Variants in SVEP1 observed in about 807,000 individuals in gnomAD.
The protein encoded by SVEP1 is sushi, von Willebrand factor type A, EGF and pentraxin domain-containing protein 1.
In SVEP1, 164 loss-of-function variants were observed where a neutral mutation model predicts 367.3. That is an observed-to-expected ratio of 0.45 (90% confidence interval 0.39 to 0.51). The LOEUF (loss-of-function observed/expected upper bound fraction) is 0.51. Ranked by LOEUF, SVEP1 falls within the 20% of genes least tolerant of loss-of-function variation. The pLI is 0.00. For synonymous variants in SVEP1, 1,666 were observed against 1,611.6 expected, an observed-to-expected ratio of 1.03 and a Z score of -0.81; for missense variants, 4,117 against 4,425.3, an observed-to-expected ratio of 0.93 and a Z score of 1.98.
chr9:110,498,645 T>C (rs1250363527), intron 7 of SVEP1, among the ~76,000 whole-genome samples: 1 of 152,226 alleles, frequency 6.6e-6, no homozygotes, highest in Non-Finnish European at 1.5e-5. Flanking sequence ...GGTCTGCTCT[T>C]GTTGCAGAGA....
chr9:110,500,380 A>T (rs1389408524), intron 6 of SVEP1, among the ~76,000 whole-genome samples: 1 of 152,120 alleles, frequency 6.6e-6, no homozygotes, highest in Non-Finnish European at 1.5e-5. Flanking sequence ...TTGGCTGTCA[A>T]AGTTGTTGAA....
At chr9:110,430,121 T>TTTTTC in intron 33 of SVEP1, 117 bp from the exon 34 acceptor site, 9 of 1,159,692 alleles carry the variant, frequency 7.8e-6, no homozygotes, top group Non-Finnish European at 1.1e-5. Context: ...TTTTTTTTTT[T>TTTTTC]TGGTGTGTGT....
chr9:110,481,832 C>T (rs536427402), intron 11 of SVEP1, among the ~76,000 whole-genome samples: 1 of 152,044 alleles, frequency 6.6e-6, no homozygotes, highest in Non-Finnish European at 1.5e-5. Context: ...TGTGCCTTGA[C>T]CTCCTGAGTA....
chr9:110,481,641 C>T (rs528638079), intron 11 of SVEP1, among the ~76,000 whole-genome samples: 4 of 152,180 alleles, frequency 2.6e-5, no homozygotes, highest in East Asian at 1.9e-4. Context: ...GCTGTACCTA[C>T]GTGTAATTAG....
At chr9:110,396,504 A>G (rs1827762212) in intron 40 of SVEP1, among the ~76,000 whole-genome samples, 1 of 152,172 alleles carries the variant, frequency 6.6e-6, no homozygotes, top group South Asian at 2.1e-4. Context: ...AGATCAGAGC[A>G]GAACTGAAGG....
intron 4 of SVEP1, 111 bp from the exon 5 acceptor site, chr9:110,513,216 C>T (rs1028065762): frequency 4.0e-6 from 4 of 1,001,982 alleles, no homozygotes; most frequent in Non-Finnish European, 5.7e-6. Flanking sequence ...CAATTGCCTA[C>T]AGCATTTCCA....
At chr9:110,537,328 T>TAATTAAC (rs1830091468) in intron 3 of SVEP1, among the ~76,000 whole-genome samples, 1 of 152,054 alleles carries the variant, frequency 6.6e-6, no homozygotes, top group African/African-American at 2.4e-5. Flanking sequence ...ATACATGAAC[T>TAATTAAC]AATTAACAAT....
chr9:110,374,832 T>C (rs1284976867), intron 46 of SVEP1, among the ~76,000 whole-genome samples: 3 of 152,194 alleles, frequency 2.0e-5, no homozygotes, highest in Admixed American at 6.5e-5. Flanking sequence ...ACTGGGTATA[T>C]ACCCAAGATA....
intron 27 of SVEP1, 33 bp downstream of exon 27, chr9:110,443,512 C>G (rs1479235633): frequency 6.5e-7 from 1 of 1,527,206 alleles, no homozygotes; most frequent in Non-Finnish European, 8.8e-7. Flanking sequence ...CTCTAGAGTC[C>G]AACAGAATTA....
At chr9:110,414,196 T>C (rs1390371576) in intron 36 of SVEP1, among the ~76,000 whole-genome samples, 1 of 152,088 alleles carries the variant, frequency 6.6e-6, no homozygotes, top group Non-Finnish European at 1.5e-5. Flanking sequence ...ATTCATTAGT[T>C]ATCAAATATT....
rs1829745339 is a variant in SVEP1, at chr9:110,512,975, G to A, written c.1254C>T (p.Ile418=). Residue 418 remains isoleucine (I), a synonymous_variant, in exon 5 of 48, where the codon ATC becomes ATT. Coordinates refer to ENST00000374469, the MANE Select transcript of SVEP1 (RefSeq NM_153366.4). The part of the protein sequence containing the change: ...PGFDLVGSSI[I]LCLPNGLWSG... Reference sequence around the variant, plus strand: ...ACCACAAACCATTGGGTAGACATAAGATGATGCTGCTTCCCACAAGATCAA... The same window carrying A: ...ACCACAAACCATTGGGTAGACATAAAATGATGCTGCTTCCCACAAGATCAA... 1 of 1,614,010 alleles carries A rather than the reference G, an allele frequency of 6.2e-7. No individual in the cohort carries two copies. Among genetic ancestry groups the A allele is most frequent in the South Asian group, 1.1e-5 (1 of 91,084 alleles).
In SVEP1 at chr9:110,387,362, C is replaced by T. The variant is rs1827541370; in HGVS notation, c.9983G>A (p.Gly3328Asp). 6.2e-7 allele frequency: 1 copy of T among 1,613,612 alleles called. No individual in the cohort carries two copies. Among genetic ancestry groups the T allele is most frequent in the Admixed American group, 1.7e-5 (1 of 59,880 alleles). Residue 3328 changes from glycine to aspartate, a missense_variant, in exon 42 of 48, where the codon GGC becomes GAC. Physicochemically the swap from Gly to Asp is moderately conservative, Grantham distance 94 (BLOSUM62 -1). Around this residue, in one of 4 missense-constraint regions of SVEP1, gnomAD observed 1,765 missense variants for 1,781.1 expected, o/e 0.99. Coordinates refer to ENST00000374469, the MANE Select transcript of SVEP1 (RefSeq NM_153366.4). ...GPNVVYSCNR[G>D]YSLEGPSEAH... ...CTCAGATGGCCCTTCAAGACTGTAG[C>T]CTCTGTTGCAGGAATATACCACGTT...
chr9:110,489,840 A>C lies in SVEP1; in HGVS notation c.1801-61T>G, dbSNP rs149620922. On this transcript the variant is annotated intron_variant, in intron 8 of 47. Coordinates refer to ENST00000374469, the MANE Select transcript of SVEP1 (RefSeq NM_153366.4). ...TCAAAAGTGCGTTTATTCTTTTCTGATTTATATATTATTAGTAATGTTAAC... is the reference window on the plus strand; with the variant it reads ...TCAAAAGTGCGTTTATTCTTTTCTGCTTTATATATTATTAGTAATGTTAAC... 7.6e-4 allele frequency: 1,164 copies of C among 1,528,046 alleles called. 9 individuals are homozygous for C. The East Asian group carries it at 0.019, about 25-fold the overall frequency. The allele number at this position is 1,528,046 out of a possible 1,614,324, so 94.7% of individuals were successfully genotyped here. A position where few individuals can be genotyped will look rare whatever the true frequency, so the allele number is the denominator to read the frequency against.
Position 110,407,591 on chromosome 9 carries a change from G to A in SVEP1, c.8009C>T (p.Thr2670Ile), listed in dbSNP as rs1181839220. The change falls in exon 38 of 48, where the codon ACA becomes ATA. Residue 2670 changes from threonine to isoleucine, a missense_variant. Around this residue, in one of 4 missense-constraint regions of SVEP1, gnomAD observed 1,765 missense variants for 1,781.1 expected, o/e 0.99. Coordinates refer to ENST00000374469, the MANE Select transcript of SVEP1 (RefSeq NM_153366.4). ...TWENTKESPATHSSNFLYGTM... is the reference protein window; with the variant it reads ...TWENTKESPAIHSSNFLYGTM... Reference sequence around the variant, plus strand: ...ACCATACAGAAAGTTTGATGAATGTGTAGCAGGAGACTCCTTTGTATTTTC... The same window carrying A: ...ACCATACAGAAAGTTTGATGAATGTATAGCAGGAGACTCCTTTGTATTTTC... The A allele has an allele frequency of 2.5e-6, 4 of 1,613,908 alleles. No homozygotes were observed. Among genetic ancestry groups the A allele is most frequent in the Admixed American group, 3.3e-5 (2 of 60,010 alleles).
intron 3 of SVEP1, among the ~76,000 whole-genome samples, chr9:110,529,868 T>C (rs551505077): frequency 6.6e-6 from 1 of 152,270 alleles, no homozygotes; most frequent in Non-Finnish European, 1.5e-5. Flanking sequence ...TTCTTTCTGA[T>C]GGTTCTGGCG....
intron 36 of SVEP1, among the ~76,000 whole-genome samples, chr9:110,424,299 T>G (rs548418762): frequency 3.3e-5 from 5 of 152,244 alleles, no homozygotes; most frequent in African/African-American, 4.8e-5. Context: ...AAATACTGTC[T>G]ATCAGTGAAA....
intron 22 of SVEP1, among the ~76,000 whole-genome samples, chr9:110,453,578 C>T (rs892918798): frequency 3.3e-5 from 5 of 151,802 alleles, no homozygotes; most frequent in Non-Finnish European, 5.9e-5. Context: ...TAATAATAGC[C>T]ATTCTGGCCA....
intron 9 of SVEP1, 48 bp from the exon 10 acceptor site, chr9:110,483,741 A>G: frequency 7.1e-7 from 1 of 1,412,722 alleles, no homozygotes; most frequent in Non-Finnish European, 9.5e-7. Context: ...ATATTCACAA[A>G]CGATGAGGAG....
rs1828332708 is a variant in SVEP1, at chr9:110,430,355, C to T, written c.5449G>A (p.Glu1817Lys). The T allele has an allele frequency of 1.9e-6, 3 of 1,613,578 alleles. No individual in the cohort carries two copies. The highest frequency in any genetic ancestry group is 1.7e-6 in the Non-Finnish European group (2 of 1,179,738). Reference sequence around the variant, plus strand: ...GTTACTCCCATCAACTGGTATCCTTCCTGACACGAAAATGTGACTTCGGCA... The same window carrying T: ...GTTACTCCCATCAACTGGTATCCTTTCTGACACGAAAATGTGACTTCGGCA... ...VGAEVTFSCQ[E>K]GYQLMGVTKI... is the part of the protein sequence containing the mutation. The change falls in exon 33 of 48, where the codon GAA becomes AAA. Residue 1817 changes from glutamate to lysine, a missense_variant. Around this residue, in one of 4 missense-constraint regions of SVEP1, gnomAD observed 2,174 missense variants for 2,494.3 expected, o/e 0.87. Transcript: ENST00000374469.
Sources: allele counts gnomAD v4.1 joint callset (sites outside exome capture counted in the v4.1 genomes callset), GRCh38; gene constraint gnomAD v4.1.1; regional missense constraint gnomAD v4.1.1; transcripts MANE v1.5; gene names NCBI Gene and HGNC (gene_info 2026-07-23, HGNC 2026-07-21).